CNR2: variants seen among roughly 807,000 people sequenced by gnomAD.
CNR2 encodes the protein cannabinoid receptor 2.
For synonymous variants in CNR2, 172 were observed against 182.2 expected, an observed-to-expected ratio of 0.94 and a Z score of 0.45; for missense variants, 379 against 439.9, an observed-to-expected ratio of 0.86 and a Z score of 1.24.
At chr1:23,902,654 C>T in intron 1 of CNR2, 1 of 1,596,252 alleles carries the variant, frequency 6.3e-7, no homozygotes, top group Non-Finnish European at 8.5e-7. Flanking sequence ...CCGTCCTGGT[C>T]GCCCCCGGGG....
chr1:23,894,486 T>TAGGA (rs1227286431), intron 1 of CNR2, among the ~76,000 whole-genome samples: 2 of 99,722 alleles, frequency 2.0e-5, no homozygotes, highest in South Asian at 6.7e-4. Flanking sequence ...GGAAGGAAGC[T>TAGGA]AGGAAGGAAG....
At position 23,874,419 on chromosome 1, in the gene CNR2, C is replaced by T. The variant is rs201016530; in HGVS notation, c.*116G>A. On this transcript the variant is annotated 3_prime_UTR_variant, in exon 2 of 2. Coordinates refer to ENST00000374472, the MANE Select transcript of CNR2 (RefSeq NM_001841.3). ...CAACACTCATCAGCAAAAAGGGGTC[C>T]GTGTCTAGGTGTCTGGGACTGGTTT... The T allele has an allele frequency of 2.9e-5, 34 of 1,184,882 alleles. No individual in the cohort carries two copies. Among genetic ancestry groups the T allele is most frequent in the Middle Eastern group, 2.4e-4 (1 of 4,176 alleles). The allele number at this position is 1,184,882 out of a possible 1,614,324, so 73.4% of individuals were successfully genotyped here.
At position 23,890,699 on chromosome 1, in the gene CNR2, C is replaced by T. The variant is rs191565735; in HGVS notation, c.-45-15037G>A. ...GGCGAAGTTTGCAGTGAGCCGAGAT[C>T]GCGCCACTGCACTCCAGCCTGGGCA... is the stretch of plus-strand genomic sequence containing the variant. On this transcript the variant is annotated intron_variant, in intron 1 of 1. Coordinates refer to ENST00000374472, the MANE Select transcript of CNR2 (RefSeq NM_001841.3). 2.8e-3 allele frequency among the ~76,000 whole-genome samples: 414 copies of T among 149,938 alleles called. 3 individuals carry two copies. Among genetic ancestry groups the T allele is most frequent in the African/African-American group, 9.4e-3 (385 of 40,804 alleles).
At chr1:23,896,226 AC>A (rs1640280373) in intron 1 of CNR2, among the ~76,000 whole-genome samples, 1 of 152,146 alleles carries the variant, frequency 6.6e-6, no homozygotes, top group Non-Finnish European at 1.5e-5. Context: ...CTTCTCACCG[AC>A]AAGGATTTAC....
chr1:23,901,830 T>C, intron 1 of CNR2: 1 of 1,607,360 alleles, frequency 6.2e-7, no homozygotes, highest in Non-Finnish European at 8.5e-7. Context: ...ATAAATACCC[T>C]TCTGTCCACT....
chr1:23,904,869 G>T (rs1640461692), intron 1 of CNR2, among the ~76,000 whole-genome samples: 1 of 152,172 alleles, frequency 6.6e-6, no homozygotes, highest in South Asian at 2.1e-4. Flanking sequence ...ACCACGTGGT[G>T]AACATTCTGA....
At chr1:23,890,028 G>GGGAGGC (rs1294608434) in intron 1 of CNR2, among the ~76,000 whole-genome samples, 2 of 152,006 alleles carry the variant, frequency 1.3e-5, no homozygotes, top group Admixed American at 6.6e-5. Flanking sequence ...CCAGCACTTT[G>GGGAGGC]GGAGGCAGAG....
chr1:23,895,347 A>G (rs948758544), intron 1 of CNR2, among the ~76,000 whole-genome samples: 66 of 152,254 alleles, frequency 4.3e-4, no homozygotes, highest in African/African-American at 1.4e-3. Flanking sequence ...GCTTACATTC[A>G]TAACATACTT....
intron 1 of CNR2, among the ~76,000 whole-genome samples, chr1:23,879,002 A>C (rs1639933898): frequency 6.6e-6 from 1 of 152,272 alleles, no homozygotes; most frequent in Non-Finnish European, 1.5e-5. Flanking sequence ...AAGGAAATTC[A>C]ACCCAAAGGG....
At chr1:23,903,059 C>G (rs1475552766) in intron 1 of CNR2, among the ~76,000 whole-genome samples, 1 of 138,460 alleles carries the variant, frequency 7.2e-6, no homozygotes, top group Non-Finnish European at 1.6e-5. Flanking sequence ...TGATGGCAGG[C>G]CAGGGGCAGC....
At chr1:23,907,595 G>C (rs1245304104) in intron 1 of CNR2, among the ~76,000 whole-genome samples, 1 of 151,748 alleles carries the variant, frequency 6.6e-6, no homozygotes, top group Admixed American at 6.6e-5. Flanking sequence ...GGTTCAAGCA[G>C]TTCTCCAGCC....
rs555800670 is a variant in CNR2 at position 23,902,783 on chromosome 1, G to A, written c.-46+10463C>T. 8 of 1,461,164 alleles carry A rather than the reference G, an allele frequency of 5.5e-6. No homozygotes were observed. In the East Asian group the frequency reaches 7.6e-5, roughly 14 times the overall value. 90.5% of individuals were successfully genotyped at this position (1,461,164 alleles called of 1,614,324 possible). On this transcript the variant is annotated intron_variant, in intron 1 of 1. Coordinates refer to ENST00000374472, the MANE Select transcript of CNR2 (RefSeq NM_001841.3). Reference sequence around the variant, plus strand: ...CTCCGGGTGGTTGTTGCCAAGTGTGGGCTGCGCGGGCGCGGGCGCGGGGGC... The same window carrying A: ...CTCCGGGTGGTTGTTGCCAAGTGTGAGCTGCGCGGGCGCGGGCGCGGGGGC...
chr1:23,890,458 C>T (rs565774394), intron 1 of CNR2, among the ~76,000 whole-genome samples: 1 of 151,954 alleles, frequency 6.6e-6, no homozygotes, highest in Non-Finnish European at 1.5e-5. Context: ...CCATCAGAAA[C>T]AGACCCGCTG....
chr1:23,893,228 G>A (rs1292205875), intron 1 of CNR2, among the ~76,000 whole-genome samples: 1 of 152,092 alleles, frequency 6.6e-6, no homozygotes, highest in Non-Finnish European at 1.5e-5. Flanking sequence ...AGTCTCCCCA[G>A]ACCTTTCCTG....
intron 1 of CNR2, among the ~76,000 whole-genome samples, chr1:23,890,394 C>T (rs183798835): frequency 1.2e-3 from 184 of 152,186 alleles, no homozygotes; most frequent in African/African-American, 4.3e-3. Context: ...ACTTTGCCAC[C>T]ACTGAGGACA....
chr1:23,874,876 C>T lies in CNR2; in HGVS notation c.742G>A (p.Gly248Arg), dbSNP rs200997121. The stretch of plus-strand genomic sequence containing the variant: ...ATGAGGAGCACAGCCAACACTAGCC[C>T]TAGGGTCTTGGCCAACCTCACATCC... ...RLDVRLAKTL[G>R]LVLAVLLICW... The change falls in exon 2 of 2, where the codon GGG (glycine) becomes AGG (arginine). Residue 248 changes from glycine to arginine, a missense_variant. Gly to Arg is a moderately radical substitution (Grantham distance 125). Coordinates refer to ENST00000374472, the MANE Select transcript of CNR2 (RefSeq NM_001841.3). The T allele has an allele frequency of 5.0e-5, 81 of 1,614,036 alleles. No individual in the cohort carries two copies. The highest frequency in any genetic ancestry group is 6.4e-5 in the Non-Finnish European group (76 of 1,180,022).
intron 1 of CNR2, among the ~76,000 whole-genome samples, chr1:23,889,482 T>C (rs935453205): frequency 6.6e-6 from 1 of 152,164 alleles, no homozygotes; most frequent in Non-Finnish European, 1.5e-5. Context: ...CTTTCTTTTC[T>C]TTCTTTGATT....
intron 1 of CNR2, chr1:23,901,880 T>G: frequency 6.2e-7 from 1 of 1,608,538 alleles, no homozygotes; most frequent in Non-Finnish European, 8.5e-7. Flanking sequence ...GTACTGGCAT[T>G]GGTTGCTGCG....
chr1:23,896,691 A>C (rs1309529059), intron 1 of CNR2, among the ~76,000 whole-genome samples: 7 of 152,180 alleles, frequency 4.6e-5, no homozygotes, highest in Non-Finnish European at 1.0e-4. Context: ...GTCTCCACTC[A>C]AGACTTTTAG....
Sources: allele counts gnomAD v4.1 joint callset (sites outside exome capture counted in the v4.1 genomes callset), GRCh38; gene constraint gnomAD v4.1.1; transcripts MANE v1.5; gene names NCBI Gene and HGNC (gene_info 2026-07-23, HGNC 2026-07-21).